The following RFFL variants were observed in gnomAD, a reference collection of about 807,000 sequenced individuals.
The protein encoded by RFFL is ring finger and FYVE like domain containing E3 ubiquitin protein ligase.
A neutral mutation model predicts 40.4 loss-of-function variants in RFFL; 16 were observed. The ratio of observed to expected loss-of-function variants is 0.40; its 90% CI spans 0.27 to 0.60. The LOEUF is 0.60. Ranked by LOEUF, RFFL falls within the 20% of genes least tolerant of loss-of-function variation. RFFL has a pLI of 0.47. For missense variants in RFFL, 367 were observed against 451.7 expected, an observed-to-expected ratio of 0.81 and a Z score of 1.70; for synonymous variants, 154 against 167.9, an observed-to-expected ratio of 0.92 and a Z score of 0.64.
intron 3 of RFFL, 79 bp from the exon 4 acceptor site, chr17:35,017,685 C>G: frequency 4.2e-6 from 4 of 958,608 alleles, no homozygotes; most frequent in Non-Finnish European, 6.6e-6. Context: ...TCAACTCACA[C>G]AATGTCCAGA....
upstream of RFFL, among the ~76,000 whole-genome samples, chr17:35,065,873 T>C (rs1488826996): frequency 1.3e-5 from 2 of 152,214 alleles, no homozygotes; most frequent in African/African-American, 4.8e-5. Context: ...TTCAGGCACT[T>C]GAGGATTTAT....
chr17:35,013,151 A>G (rs1303538853), intron 6 of RFFL, among the ~76,000 whole-genome samples: 1 of 152,256 alleles, frequency 6.6e-6, no homozygotes, highest in Non-Finnish European at 1.5e-5. Flanking sequence ...ACTGGGGCAA[A>G]AAAGTTAAGT....
At chr17:35,080,061 CA>C (rs2091396696) in intron 1 of RFFL, among the ~76,000 whole-genome samples, 1 of 152,138 alleles carries the variant, frequency 6.6e-6, no homozygotes, top group Non-Finnish European at 1.5e-5. Context: ...CCAGATTCCT[CA>C]AACTAGCTGA....
At chr17:35,025,644 C>CT (rs2091036408) in intron 2 of RFFL, among the ~76,000 whole-genome samples, 1 of 152,232 alleles carries the variant, frequency 6.6e-6, no homozygotes, top group African/African-American at 2.4e-5. Flanking sequence ...GAGCTGCAAA[C>CT]CTCTCATTCT....
At chr17:35,028,947 C>A (rs1384928468) in intron 1 of RFFL, among the ~76,000 whole-genome samples, 1 of 151,962 alleles carries the variant, frequency 6.6e-6, no homozygotes, top group Admixed American at 6.6e-5. Flanking sequence ...TGCCTGTAAC[C>A]CCCACGACAA....
chr17:35,017,636 TAGA>T (rs2090982898), intron 3 of RFFL, 30 bp from the exon 4 acceptor site: 1 of 1,414,472 alleles, frequency 7.1e-7, no homozygotes, highest in South Asian at 1.2e-5. Context: ...ACATCACATC[TAGA>T]GATGTCCCAG....
chr17:35,052,648 C>T (rs9303681), intron 1 of RFFL, among the ~76,000 whole-genome samples: 40,426 of 152,082 alleles, frequency 0.27, 9,640 homozygotes, highest in African/African-American at 0.64. Flanking sequence ...AACTTAAAAA[C>T]CTGAAATTCT....
rs957512944 is a variant in RFFL, at chr17:35,006,821, C to G, written c.*5147G>C. ...CCCCCTGGCCACCCCACCGCCCCCC[C>G]CCAACTTTGATCTGATTGACTTTGG... is the stretch of plus-strand genomic sequence containing the variant. On this transcript the variant is annotated 3_prime_UTR_variant, in exon 7 of 7. Coordinates refer to ENST00000394597, the MANE Select transcript of RFFL (RefSeq NM_001017368.2). 5 of 152,520 alleles carry G rather than the reference C, an allele frequency of 3.3e-5. No homozygotes were observed. Among genetic ancestry groups the G allele is most frequent in the Non-Finnish European group, 7.3e-5 (5 of 68,398 alleles). The allele number at this position is 152,520 out of a possible 1,614,324, so 9.4% of individuals were successfully genotyped here.
rs190977432 is a variant in RFFL, at chr17:35,040,527, T to C, written c.-8-13966A>G. The stretch of plus-strand genomic sequence containing the variant: ...CTGAGGTAGGAGAATCACTTGAACC[T>C]GGAAGGCAGAGGTTGCAGTGAGCTG... On this transcript the variant is annotated intron_variant, in intron 1 of 6. Coordinates refer to ENST00000394597, the MANE Select transcript of RFFL (RefSeq NM_001017368.2). Among the ~76,000 whole-genome samples, 428 of 150,394 alleles carry C rather than the reference T, an allele frequency of 2.8e-3. 1 individual carries two copies. The highest frequency in any genetic ancestry group is 9.8e-3 in the African/African-American group (401 of 40,898).
At chr17:35,029,521 CTTTTTT>C (rs34986105) in intron 1 of RFFL, among the ~76,000 whole-genome samples, 1 of 114,982 alleles carries the variant, frequency 8.7e-6, no homozygotes. Flanking sequence ...TTTTTGCTTT[CTTTTTT>C]TTTTTTTTTT....
intron 1 of RFFL, among the ~76,000 whole-genome samples, chr17:35,039,926 C>T (rs1356501786): frequency 6.6e-6 from 1 of 152,062 alleles, no homozygotes; most frequent in African/African-American, 2.4e-5. Flanking sequence ...CTGCCCACCT[C>T]GGCCTCCCAA....
At chr17:35,072,043 G>A (rs2142378111) in intron 1 of RFFL, among the ~76,000 whole-genome samples, 1 of 152,188 alleles carries the variant, frequency 6.6e-6, no homozygotes, top group South Asian at 2.1e-4. Flanking sequence ...CATTTTGGGA[G>A]GCTGAGGCGG....
chr17:35,040,971 T>C (rs1339586998), intron 1 of RFFL, among the ~76,000 whole-genome samples: 1 of 148,310 alleles, frequency 6.7e-6, no homozygotes, highest in East Asian at 2.0e-4. Flanking sequence ...CTCGAACTCC[T>C]GGGCTCTAAG....
intron 2 of RFFL, among the ~76,000 whole-genome samples, chr17:35,022,696 A>C (rs962215892): frequency 2.0e-5 from 3 of 152,050 alleles, no homozygotes; most frequent in African/African-American, 7.2e-5. Flanking sequence ...CCTGGCTTCC[A>C]TCTCCAAATT....
intron 1 of RFFL, among the ~76,000 whole-genome samples, chr17:35,056,997 C>T (rs530013135): frequency 6.6e-6 from 1 of 151,882 alleles, no homozygotes; most frequent in African/African-American, 2.4e-5. Context: ...CTCACTGCAA[C>T]ATCCACCTCC....
At chr17:35,043,377 A>G (rs1251452139) in intron 1 of RFFL, among the ~76,000 whole-genome samples, 1 of 152,166 alleles carries the variant, frequency 6.6e-6, no homozygotes, top group Non-Finnish European at 1.5e-5. Flanking sequence ...GGACTTTTCA[A>G]TCTTACATCA....
intron 1 of RFFL, among the ~76,000 whole-genome samples, chr17:35,042,823 C>CAAAAAAAAAA (rs11296826): frequency 1.2e-4 from 7 of 60,474 alleles, no homozygotes; most frequent in Non-Finnish European, 1.8e-4. Flanking sequence ...GACTCCATCT[C>CAAAAAAAAAA]AAAAAAAAAA....
At chr17:35,038,283 T>C (rs2091137894) in intron 1 of RFFL, among the ~76,000 whole-genome samples, 1 of 92,512 alleles carries the variant, frequency 1.1e-5, no homozygotes, top group Non-Finnish European at 2.0e-5. Context: ...AGCAAAACTG[T>C]CTCAAAAAAA....
At chr17:35,039,220 TTTTTC>T (rs1447326581) in intron 1 of RFFL, among the ~76,000 whole-genome samples, 2 of 151,888 alleles carry the variant, frequency 1.3e-5, no homozygotes, top group African/African-American at 2.4e-5. Context: ...ATGACAGATT[TTTTTC>T]TTTTCTTTTT....
Sources: allele counts gnomAD v4.1 joint callset (sites outside exome capture counted in the v4.1 genomes callset), GRCh38; gene constraint gnomAD v4.1.1; transcripts MANE v1.5; gene names NCBI Gene and HGNC (gene_info 2026-07-23, HGNC 2026-07-21).